ANKRD13B: variants seen among roughly 807,000 people sequenced by gnomAD.
ANKRD13B encodes the protein ankyrin repeat domain-containing protein 13B.
Under a neutral mutation model 74.4 loss-of-function variants are expected in ANKRD13B, and 33 were observed. That is an observed-to-expected ratio of 0.44 (90% CI 0.34 to 0.59). The LOEUF is 0.59. Ranked by LOEUF, ANKRD13B falls within the 20% of genes least tolerant of loss-of-function variation. ANKRD13B has a pLI of 0.02. For missense variants in ANKRD13B, 676 were observed against 877.9 expected, an observed-to-expected ratio of 0.77 and a Z score of 2.91; for synonymous variants, 341 against 362.9, an observed-to-expected ratio of 0.94 and a Z score of 0.68.
chr17:29,605,309 T>C (rs1262825740), intron 1 of ANKRD13B, among the ~76,000 whole-genome samples: 2 of 152,112 alleles, frequency 1.3e-5, no homozygotes, highest in East Asian at 3.8e-4. Context: ...GAGCTCACCT[T>C]GTTCATTTTC....
rs1379264675 is a variant in ANKRD13B, at chr17:29,612,740, C to T, written c.1500C>T (p.Thr500=). The T allele has an allele frequency of 1.9e-6, 3 of 1,601,766 alleles. No homozygotes were observed. The highest frequency in any genetic ancestry group is 2.5e-6 in the Non-Finnish European group (3 of 1,178,830). ...SMMGGQREAA[T]RDDDDDLLQF... ...TGGGCGGCCAGCGGGAGGCGGCGAC[C>T]CGGGACGACGACGACGACCTGCTGC... Residue 500 remains threonine (T), a synonymous_variant, in exon 13 of 15, where the codon ACC becomes ACT. Transcript: ENST00000394859. The surrounding 1 kb of genome is among the most constrained non-coding windows in gnomAD (Gnocchi z 6.1).
Position 29,611,532 on chromosome 17 carries a change from G to C in ANKRD13B, c.905-47G>C. 1.3e-6 allele frequency: 2 copies of C among 1,593,788 alleles called. No individual in the cohort carries two copies. The highest frequency in any genetic ancestry group is 1.3e-5 in the African/African-American group (1 of 74,612). ...CTGTCACCTCTGATGAGGTGCCCAG[G>C]TGTGTGTGGAGTTGCGGTGTCCTCT... On this transcript the variant is annotated intron_variant, in intron 8 of 14. Transcript: ENST00000394859. The surrounding 1 kb of genome is among the most constrained non-coding windows in gnomAD (Gnocchi z 4.3).
intron 14 of ANKRD13B, 74 bp from the exon 15 acceptor site, chr17:29,613,280 T>C: frequency 7.2e-7 from 1 of 1,387,356 alleles, no homozygotes; most frequent in South Asian, 1.6e-5. Context: ...CCCTGGAGCC[T>C]CCACGCCGTG....
rs763397835 is a variant in ANKRD13B, at chr17:29,612,100, G to A, written c.1101-16G>A. ...TCCTGCAGTGTCCCTTACCCCTTGG[G>A]ATCTGGTGGGGGCAGGTTCAAGGCC... is the stretch of plus-strand genomic sequence containing the variant. On this transcript the variant is annotated splice_polypyrimidine_tract_variant and intron_variant, in intron 10 of 14. Transcript: ENST00000394859. This position sits in a 1 kb window ranked among gnomAD's most constrained non-coding sequence, Gnocchi z 6.1. The A allele has an allele frequency of 1.9e-6, 3 of 1,613,088 alleles. No homozygotes were observed. The highest frequency in any genetic ancestry group is 2.2e-5 in the East Asian group (1 of 44,824).
In ANKRD13B at chr17:29,612,927, C is replaced by T; in HGVS notation, c.1616C>T (p.Thr539Ile). The T allele has an allele frequency of 3.1e-6, 5 of 1,598,420 alleles. No homozygotes were observed. Among genetic ancestry groups the T allele is most frequent in the Non-Finnish European group, 4.2e-6 (5 of 1,179,746 alleles). Residue 539 changes from threonine to isoleucine, a missense_variant, in exon 14 of 15, where the codon ACC (threonine) becomes ATC (isoleucine). Thr to Ile is a moderately conservative substitution (Grantham distance 89, BLOSUM62 -1). Coordinates refer to ENST00000394859, the MANE Select transcript of ANKRD13B (RefSeq NM_152345.5). This position sits in a 1 kb window ranked among gnomAD's most constrained non-coding sequence, Gnocchi z 6.1. Reference sequence around the variant, plus strand: ...GCGCTAACCAACAGCAAGCCAGGCACCCACCCCATGTCCTACGAGGGTCGC... The same window carrying T: ...GCGCTAACCAACAGCAAGCCAGGCATCCACCCCATGTCCTACGAGGGTCGC... The part of the protein sequence containing the change: ...WEALTNSKPG[T>I]HPMSYEGRRQ...
intron 1 of ANKRD13B, among the ~76,000 whole-genome samples, chr17:29,603,577 C>T (rs2034256227): frequency 6.6e-6 from 1 of 152,194 alleles, no homozygotes; most frequent in South Asian, 2.1e-4. Context: ...TGTTTTTCTC[C>T]TCTGTGCTTC....
Position 29,608,362 on chromosome 17 carries a change from AG to A in ANKRD13B, c.421+125del, listed in dbSNP as rs1241781834. On this transcript the variant is annotated intron_variant, in intron 4 of 14. Coordinates refer to ENST00000394859, the MANE Select transcript of ANKRD13B (RefSeq NM_152345.5). The surrounding 1 kb of genome is among the most constrained non-coding windows in gnomAD (Gnocchi z 6.4). ...TTCCCTCTATGCCTTAGCTCAGCTC[AG>A]GGCCACCGCCTCAGCTAGGCCTTTC... is the stretch of plus-strand genomic sequence containing the variant. 7.7e-7 allele frequency: 1 copy of A among 1,298,112 alleles called. No homozygotes were observed. The highest frequency in any genetic ancestry group is 1.1e-6 in the Non-Finnish European group (1 of 935,278). The allele number at this position is 1,298,112 out of a possible 1,614,324, so 80.4% of individuals were successfully genotyped here. A position where few individuals can be genotyped will look rare whatever the true frequency, so the allele number is the denominator to read the frequency against.
chr17:29,603,951 C>T (rs991073790), intron 1 of ANKRD13B, among the ~76,000 whole-genome samples: 2 of 149,712 alleles, frequency 1.3e-5, no homozygotes, highest in Admixed American at 1.3e-4. Flanking sequence ...CATCTCGGCT[C>T]ACTGCAAGCT....
At position 29,593,212 on chromosome 17, in the gene ANKRD13B, C is replaced by T. The variant is rs1326696488; in HGVS notation, c.-410C>T. Among the ~76,000 whole-genome samples, 5 of 150,840 alleles carry T rather than the reference C, an allele frequency of 3.3e-5. No homozygotes were observed. In the South Asian group the frequency reaches 8.3e-4, roughly 25 times the overall value. The stretch of plus-strand genomic sequence containing the variant: ...GGCCGGGCTATGCAGCTGTGGGGAC[C>T]CGGGGGCTGCGGGCGCGCGTCCCTG... On this transcript the variant is annotated 5_prime_UTR_variant, in exon 1 of 15. Coordinates refer to ENST00000394859, the MANE Select transcript of ANKRD13B (RefSeq NM_152345.5).
At position 29,607,772 on chromosome 17, in the gene ANKRD13B, C is replaced by A. The variant is rs753764117; in HGVS notation, c.145C>A (p.Arg49=). The A allele has an allele frequency of 9.4e-6, 15 of 1,601,522 alleles. 1 individual carries two copies. Among genetic ancestry groups the A allele is most frequent in the Admixed American group, 1.7e-5 (1 of 59,996 alleles). Residue 49 remains arginine, a synonymous_variant, in exon 2 of 15, where the codon CGG becomes AGG. Coordinates refer to ENST00000394859, the MANE Select transcript of ANKRD13B (RefSeq NM_152345.5). ...CATCGAGCAGCTGGATCCCCGCGGC[C>A]GGACTCCCCTGCACCTGGCCACCAC... ...VDIEQLDPRG[R]TPLHLATTLG... is the part of the protein sequence containing the mutation.
chr17:29,606,964 C>T (rs1278149532), intron 1 of ANKRD13B, among the ~76,000 whole-genome samples: 4 of 151,836 alleles, frequency 2.6e-5, no homozygotes, highest in Non-Finnish European at 5.9e-5. Flanking sequence ...GCAGGAGAAT[C>T]GCTTGAACCT....
At chr17:29,601,332 G>C (rs1400648238) in intron 1 of ANKRD13B, among the ~76,000 whole-genome samples, 1 of 148,744 alleles carries the variant, frequency 6.7e-6, no homozygotes, top group Non-Finnish European at 1.5e-5. Flanking sequence ...AGCGATTCTT[G>C]TGCCTCAGCC....
At chr17:29,600,428 C>T (rs1216944113) in intron 1 of ANKRD13B, among the ~76,000 whole-genome samples, 2 of 152,150 alleles carry the variant, frequency 1.3e-5, no homozygotes, top group African/African-American at 2.4e-5. Flanking sequence ...GACCTGGCTG[C>T]CAGTGGTTCA....
In ANKRD13B at chr17:29,614,114, A is replaced by G. The variant is rs1357217708; in HGVS notation, c.*532A>G. On this transcript the variant is annotated 3_prime_UTR_variant, in exon 15 of 15. Coordinates refer to ENST00000394859, the MANE Select transcript of ANKRD13B (RefSeq NM_152345.5). ...AGCCCCTCCCCCACCCCGGCATTTC[A>G]GCGTCAAGTGCACTTAGCGGGGTAC... is the stretch of plus-strand genomic sequence containing the variant. 1 of 142,552 alleles carries G rather than the reference A, an allele frequency of 7.0e-6. No individual in the cohort carries two copies. The highest frequency in any genetic ancestry group is 2.7e-5 in the African/African-American group (1 of 37,242). The allele number at this position is 142,552 out of a possible 1,614,324, so 8.8% of individuals were successfully genotyped here.
chr17:29,612,087 C>T lies in ANKRD13B; in HGVS notation c.1101-29C>T. The T allele has an allele frequency of 6.2e-7, 1 of 1,612,442 alleles. No individual in the cohort carries two copies. Among genetic ancestry groups the T allele is most frequent in the Middle Eastern group, 1.7e-4 (1 of 6,050 alleles). Reference sequence around the variant, plus strand: ...GGAGGCCATGGCTTCCTGCAGTGTCCCTTACCCCTTGGGATCTGGTGGGGG... The same window carrying T: ...GGAGGCCATGGCTTCCTGCAGTGTCTCTTACCCCTTGGGATCTGGTGGGGG... On this transcript the variant is annotated intron_variant, in intron 10 of 14. Transcript: ENST00000394859. This position sits in a 1 kb window ranked among gnomAD's most constrained non-coding sequence, Gnocchi z 6.1.
Position 29,608,046 on chromosome 17 carries a change from G to A in ANKRD13B, c.311G>A (p.Arg104Gln). 2.5e-6 allele frequency: 4 copies of A among 1,613,294 alleles called. No individual in the cohort carries two copies. Among genetic ancestry groups the A allele is most frequent in the Non-Finnish European group, 3.4e-6 (4 of 1,179,662 alleles). Reference protein sequence around the residue: ...LELVQLVLRYRDYQRVVKRLA... With the variant: ...LELVQLVLRYQDYQRVVKRLA... ...CTGGTGCAGCTGGTGCTTCGGTACC[G>A]GGACTACCAGCGGGTGGTGAAGCGG... Residue 104 changes from arginine (R) to glutamine (Q), a missense_variant, in exon 3 of 15, where the codon CGG becomes CAG. Physicochemically the swap from Arg to Gln is conservative, Grantham distance 43. Transcript: ENST00000394859. The surrounding 1 kb of genome is among the most constrained non-coding windows in gnomAD (Gnocchi z 6.4).
In ANKRD13B at chr17:29,612,497, A is replaced by T. The variant is rs750157893; in HGVS notation, c.1354A>T (p.Ser452Cys). 5.7e-6 allele frequency: 9 copies of T among 1,585,520 alleles called. No individual in the cohort carries two copies. The African/African-American group carries it at 1.1e-4, about 19-fold the overall frequency. ...PVPSVRGSPS[S>C]ETPSPGSDSS... ...GCCATCGGTGCGAGGCAGCCCCAGC[A>T]GCGAGACGCCTTCCCCAGGCAGCGA... The change falls in exon 12 of 15, where the codon AGC (serine) becomes TGC (cysteine). Residue 452 changes from serine (S) to cysteine (C), a missense_variant. By Grantham distance (112) the Ser-to-Cys change is moderately radical. Transcript: ENST00000394859. This position sits in a 1 kb window ranked among gnomAD's most constrained non-coding sequence, Gnocchi z 6.1.
intron 1 of ANKRD13B, among the ~76,000 whole-genome samples, chr17:29,601,738 G>A (rs1229498695): frequency 6.6e-6 from 1 of 150,430 alleles, no homozygotes; most frequent in Non-Finnish European, 1.5e-5. Flanking sequence ...GGAATTCTAG[G>A]TCAATACCAG....
Position 29,612,818 on chromosome 17 carries a change from G to A in ANKRD13B, c.1575+3G>A. 6.2e-7 allele frequency: 1 copy of A among 1,601,548 alleles called. No individual in the cohort carries two copies. On this transcript the variant is annotated splice_donor_region_variant and intron_variant, in intron 13 of 14. Transcript: ENST00000394859. The surrounding 1 kb of genome is among the most constrained non-coding windows in gnomAD (Gnocchi z 6.1). ...AGGCGGGCAGTGAGTATGACCAGGT[G>A]CGTCTCCGCGGGCGCGCGGGGCCAC...
Sources: allele counts gnomAD v4.1 joint callset (sites outside exome capture counted in the v4.1 genomes callset), GRCh38; gene constraint gnomAD v4.1.1; non-coding constraint Gnocchi (gnomAD v3.1); transcripts MANE v1.5; gene names NCBI Gene and HGNC (gene_info 2026-07-23, HGNC 2026-07-21).